The following CSMD2 variants were observed in gnomAD, a reference collection of about 807,000 sequenced individuals.
The protein encoded by CSMD2 is CUB and Sushi multiple domains 2.
CSMD2 carries 130 observed loss-of-function variants against 398.5 expected under a neutral mutation model. The ratio of observed to expected loss-of-function variants is 0.33; its 90% CI spans 0.28 to 0.38. The LOEUF is 0.38. Ranked by LOEUF, CSMD2 falls within the 10% of genes least tolerant of loss-of-function variation. CSMD2 has a pLI of 1.00. For missense variants in CSMD2, 3,829 were observed against 4,764.9 expected (o/e 0.80, Z 5.78); for synonymous variants, 1,828 against 1,908.5 (o/e 0.96, Z 1.10).
At position 33,853,997 on chromosome 1, in the gene CSMD2, G is replaced by A. The variant is rs866260767; in HGVS notation, c.921-7001C>T. On this transcript the variant is annotated intron_variant, in intron 5 of 70. Transcript: ENST00000373381. ...CTCAACCACAGCATTCTTGAAAAAC[G>A]GTCAATTATGATCTATTTTGAATGT... Among the ~76,000 whole-genome samples the A allele has an allele frequency of 5.3e-5, 8 of 152,208 alleles. No individual in the cohort carries two copies. The East Asian group carries it at 1.4e-3, about 26-fold the overall frequency.
At chr1:33,547,251 G>A (rs1021150251) in intron 56 of CSMD2, among the ~76,000 whole-genome samples, 1 of 152,180 alleles carries the variant, frequency 6.6e-6, no homozygotes, top group Non-Finnish European at 1.5e-5. Flanking sequence ...TAGAGAACAG[G>A]AGACAAAGCC....
chr1:33,725,189 AAC>A lies in CSMD2; in HGVS notation c.2695+158_2695+159del, dbSNP rs145019078. Among the ~76,000 whole-genome samples, 667 of 152,318 alleles carry A rather than the reference AAC, an allele frequency of 4.4e-3. 5 individuals are homozygous for A. Among genetic ancestry groups the A allele is most frequent in the African/African-American group, 0.016 (647 of 41,566 alleles). On this transcript the variant is annotated intron_variant, in intron 17 of 70. Coordinates refer to ENST00000373381, the MANE Select transcript of CSMD2 (RefSeq NM_001281956.2). ...CCATGACCTGAGGGATGCTGAGAGCAACAGAGTGCCTTCCCCAGGGCCTTCTG... is the reference window on the plus strand; with the variant it reads ...CCATGACCTGAGGGATGCTGAGAGCAAGAGTGCCTTCCCCAGGGCCTTCTG...
At chr1:33,884,927 G>A (rs1641488429) in intron 5 of CSMD2, 1 of 152,182 alleles carries the variant, frequency 6.6e-6, no homozygotes, top group Non-Finnish European at 1.5e-5. Flanking sequence ...TTTCCTTATT[G>A]TCCCTGCTCC....
chr1:33,987,436 T>G (rs1407007708), intron 3 of CSMD2, among the ~76,000 whole-genome samples: 1 of 152,176 alleles, frequency 6.6e-6, no homozygotes. Context: ...GTCACCCTGC[T>G]CGCAAGTGCT....
chr1:34,124,599 T>C (rs1441286268), intron 1 of CSMD2, among the ~76,000 whole-genome samples: 1 of 152,124 alleles, frequency 6.6e-6, no homozygotes, highest in Non-Finnish European at 1.5e-5. Flanking sequence ...GAACTTCCCA[T>C]TCATAAGCAC....
chr1:33,820,164 T>C (rs943300825), intron 8 of CSMD2, among the ~76,000 whole-genome samples: 2 of 152,174 alleles, frequency 1.3e-5, no homozygotes, highest in Non-Finnish European at 1.5e-5. Flanking sequence ...TCCTAGATTA[T>C]TGCAGGCGCG....
At chr1:33,627,827 A>G (rs1177856015) in intron 32 of CSMD2, among the ~76,000 whole-genome samples, 2 of 152,248 alleles carry the variant, frequency 1.3e-5, no homozygotes, top group African/African-American at 4.8e-5. Context: ...ATGTGAGCAG[A>G]GTGAAACTCA....
At position 33,671,176 on chromosome 1, in the gene CSMD2, G is replaced by A. The variant is rs114735830; in HGVS notation, c.4053-8084C>T. ...TAATGTCCAAGCTGCAGAGGAGTGAGGAATTCATGGTCCCCATTCTCCTAG... is the reference window on the plus strand; with the variant it reads ...TAATGTCCAAGCTGCAGAGGAGTGAAGAATTCATGGTCCCCATTCTCCTAG... On this transcript the variant is annotated intron_variant, in intron 25 of 70. Coordinates refer to ENST00000373381, the MANE Select transcript of CSMD2 (RefSeq NM_001281956.2). Among the ~76,000 whole-genome samples the A allele has an allele frequency of 3.8e-3, 582 of 152,280 alleles. 2 individuals carry two copies. The highest frequency in any genetic ancestry group is 0.013 in the African/African-American group (557 of 41,554).
At chr1:34,015,264 T>C (rs1026787980) in intron 3 of CSMD2, among the ~76,000 whole-genome samples, 1 of 152,256 alleles carries the variant, frequency 6.6e-6, no homozygotes, top group South Asian at 2.1e-4. Flanking sequence ...CATGGCTGTA[T>C]GTGAGCTCTG....
chr1:34,036,413 C>A (rs1210257496), intron 2 of CSMD2, among the ~76,000 whole-genome samples: 11 of 152,128 alleles, frequency 7.2e-5, no homozygotes, highest in Non-Finnish European at 1.5e-4. Flanking sequence ...AAAAGCTAAT[C>A]TCAAAAGATC....
chr1:33,576,667 T>A (rs1638262439), intron 49 of CSMD2, among the ~76,000 whole-genome samples: 1 of 152,200 alleles, frequency 6.6e-6, no homozygotes, highest in African/African-American at 2.4e-5. Context: ...AAACAAAATC[T>A]ATAAGAGCTT....
intron 13 of CSMD2, among the ~76,000 whole-genome samples, chr1:33,751,516 T>C (rs900944979): frequency 7.2e-5 from 11 of 151,858 alleles, no homozygotes; most frequent in African/African-American, 2.7e-4. Flanking sequence ...TACTGGGAGG[T>C]GAGAAATGAA....
intron 7 of CSMD2, among the ~76,000 whole-genome samples, chr1:33,824,863 C>T (rs1423553939): frequency 6.6e-6 from 1 of 151,994 alleles, no homozygotes; most frequent in Admixed American, 6.5e-5. Context: ...CCAGGTCAGT[C>T]ATTTGGAGGA....
rs143468727 is a variant in CSMD2, at chr1:33,737,195, G to C, written c.2368+1945C>G. ...CTGGGAAGCATGGAGACTGAGTTTC[G>C]TGTTGTTTCTCTAACTCCAAAGCTT... On this transcript the variant is annotated intron_variant, in intron 15 of 70. Transcript: ENST00000373381. Among the ~76,000 whole-genome samples the C allele has an allele frequency of 1.2e-4, 19 of 152,296 alleles. 1 individual carries two copies. In the East Asian group the frequency reaches 3.3e-3, roughly 26 times the overall value.
intron 6 of CSMD2, among the ~76,000 whole-genome samples, chr1:33,841,909 G>A (rs1266349523): frequency 6.6e-6 from 1 of 152,012 alleles, no homozygotes; most frequent in Non-Finnish European, 1.5e-5. Flanking sequence ...CATGGGGAGG[G>A]GAATGGTGGT....
At chr1:33,794,350 T>C (rs1654692563) in intron 10 of CSMD2, among the ~76,000 whole-genome samples, 1 of 152,122 alleles carries the variant, frequency 6.6e-6, no homozygotes, top group African/African-American at 2.4e-5. Flanking sequence ...AAGGAAGTGA[T>C]TGCTTTTGAC....
At chr1:34,112,001 TC>T (rs1313986583) in intron 1 of CSMD2, among the ~76,000 whole-genome samples, 1 of 151,512 alleles carries the variant, frequency 6.6e-6, no homozygotes, top group Non-Finnish European at 1.5e-5. Context: ...TCTCTCTCTC[TC>T]TCTCTCTCTC....
intron 3 of CSMD2, among the ~76,000 whole-genome samples, chr1:33,998,452 G>A (rs550150479): frequency 6.6e-6 from 1 of 152,346 alleles, no homozygotes; most frequent in East Asian, 1.9e-4. Context: ...TGACCAGTCT[G>A]TAGTAGGACC....
rs554403218 is a variant in CSMD2, at chr1:33,548,849, A to G, written c.8917+1328T>C. Among the ~76,000 whole-genome samples, 3 of 152,314 alleles carry G rather than the reference A, an allele frequency of 2.0e-5. No individual in the cohort carries two copies. In the East Asian group the frequency reaches 5.8e-4, roughly 29 times the overall value. On this transcript the variant is annotated intron_variant, in intron 56 of 70. Transcript: ENST00000373381. ...GTCCTCTCATGCTGTATTGCCTATC[A>G]CTTCTACCAGATGTCCAAACAGAAA... is the stretch of plus-strand genomic sequence containing the variant.
Sources: gnomAD v4.1 joint callset for allele counts (sites outside exome capture counted in the v4.1 genomes callset) on GRCh38, gnomAD v4.1.1 for gene constraint, MANE v1.5 for transcripts, NCBI Gene and HGNC (gene_info 2026-07-23, HGNC 2026-07-21) for gene names.